IFT74: variants seen among roughly 807,000 people sequenced by gnomAD.
The protein encoded by IFT74 is intraflagellar transport protein 74 homolog.
Under a neutral mutation model 96.7 loss-of-function variants are expected in IFT74, and 92 were observed. The observed-to-expected ratio is 0.95, with a 90% confidence interval of 0.80 to 1.13. The LOEUF (loss-of-function observed/expected upper bound fraction) is 1.13. IFT74 is among the 50% of genes most tolerant of loss of function. The pLI is 0.00. For synonymous variants in IFT74, 223 were observed against 213.2 expected, an observed-to-expected ratio of 1.05 and a Z score of -0.40; for missense variants, 811 against 698.2, an observed-to-expected ratio of 1.16 and a Z score of -1.82.
chr9:27,040,544 CAAAAAAAAAAAA>C (rs751893169), intron 13 of IFT74, among the ~76,000 whole-genome samples: 2 of 62,074 alleles, frequency 3.2e-5, no homozygotes, highest in East Asian at 4.2e-4. Flanking sequence ...GACACTGTCT[CAAAAAAAAAAAA>C]AAAAAAAAAA....
chr9:27,033,573 C>CAAAAAAAAAAAAAAAAAAAAAAAAAAAA (rs558712485), intron 13 of IFT74, among the ~76,000 whole-genome samples: 2 of 66,288 alleles, frequency 3.0e-5, no homozygotes, highest in Non-Finnish European at 6.2e-5. Context: ...GACCCTGTCT[C>CAAAAAAAAAAAAAAAAAAAAAAAAAAAA]AAAAAAAAAA....
chr9:27,004,071 A>G (rs1049542086), intron 8 of IFT74, among the ~76,000 whole-genome samples: 2 of 152,180 alleles, frequency 1.3e-5, no homozygotes, highest in African/African-American at 4.8e-5. Flanking sequence ...AAGAAAGCAA[A>G]TAGGCTACAA....
chr9:27,000,916 G>A (rs1405573447), intron 8 of IFT74, among the ~76,000 whole-genome samples: 2 of 152,080 alleles, frequency 1.3e-5, no homozygotes, highest in African/African-American at 2.4e-5. Context: ...TAAGCAAACT[G>A]TATGTTTGTA....
intron 8 of IFT74, chr9:26,996,300 CAG>C (rs1563959400): frequency 6.7e-7 from 1 of 1,498,336 alleles, no homozygotes; most frequent in Non-Finnish European, 9.2e-7. Flanking sequence ...TATATAGAAC[CAG>C]TATATTACCT....
At chr9:26,966,173 A>G (rs1042793407) in intron 2 of IFT74, among the ~76,000 whole-genome samples, 3 of 151,812 alleles carry the variant, frequency 2.0e-5, no homozygotes, top group African/African-American at 7.3e-5. Flanking sequence ...TTTTTGAAAT[A>G]ATGATTTCTT....
intron 9 of IFT74, 86 bp downstream of exon 9, chr9:27,009,244 C>T: frequency 2.4e-6 from 3 of 1,227,304 alleles, no homozygotes; most frequent in Non-Finnish European, 3.5e-6. Context: ...TCAGCATCCC[C>T]TGAGAACTTG....
chr9:27,034,835 C>A (rs1819095581), intron 13 of IFT74, among the ~76,000 whole-genome samples: 1 of 152,170 alleles, frequency 6.6e-6, no homozygotes, highest in Admixed American at 6.5e-5. Flanking sequence ...TGGCCAGAAT[C>A]ATTTTATTTT....
intron 12 of IFT74, among the ~76,000 whole-genome samples, chr9:27,027,735 T>C (rs987541858): frequency 1.3e-5 from 2 of 152,174 alleles, no homozygotes; most frequent in Non-Finnish European, 2.9e-5. Flanking sequence ...TTGTAAAAAT[T>C]TTCCCTTGTT....
intron 2 of IFT74, among the ~76,000 whole-genome samples, chr9:26,977,146 TA>T (rs1827164132): frequency 6.6e-6 from 1 of 152,202 alleles, no homozygotes; most frequent in African/African-American, 2.4e-5. Flanking sequence ...TTTTTGTCTA[TA>T]TTTTTTGTTT....
At chr9:27,001,954 T>A (rs1357033626) in intron 8 of IFT74, among the ~76,000 whole-genome samples, 3 of 150,986 alleles carry the variant, frequency 2.0e-5, no homozygotes, top group South Asian at 2.1e-4. Flanking sequence ...TTTTTTTTTT[T>A]AAATAAAGAA....
chr9:26,999,210 A>T (rs1326843687), intron 8 of IFT74, among the ~76,000 whole-genome samples: 2 of 152,252 alleles, frequency 1.3e-5, no homozygotes, highest in African/African-American at 4.8e-5. Context: ...TTTACTGAAC[A>T]GTAAACTAAG....
At chr9:26,983,898 C>G (rs1410160413) in intron 4 of IFT74, 1 of 162,182 alleles carries the variant, frequency 6.2e-6, no homozygotes, top group Non-Finnish European at 1.3e-5. Flanking sequence ...ATTCTCCTGC[C>G]TCAGCCTCCC....
intron 8 of IFT74, among the ~76,000 whole-genome samples, chr9:26,997,418 C>G (rs1828223001): frequency 7.0e-6 from 1 of 143,336 alleles, no homozygotes; most frequent in Admixed American, 7.4e-5. Flanking sequence ...ACTGTAACAT[C>G]TGCCTCCCAG....
chr9:27,046,890 T>C (rs1381092596), intron 14 of IFT74, among the ~76,000 whole-genome samples: 1 of 152,174 alleles, frequency 6.6e-6, no homozygotes, highest in Non-Finnish European at 1.5e-5. Flanking sequence ...TTTCTAAAAA[T>C]TGGGCCAGGT....
intron 8 of IFT74, among the ~76,000 whole-genome samples, chr9:27,002,592 T>C (rs1227255534): frequency 2.6e-5 from 4 of 152,230 alleles, no homozygotes; most frequent in African/African-American, 9.6e-5. Context: ...TGAAGATGAG[T>C]TGATGTAAAT....
Position 27,012,708 on chromosome 9 carries a change from G to GTTTTTGT in IFT74, c.789+745_789+746insGTTTTTT, listed in dbSNP as rs1563974337. ...GAACAAGAGGAAAGTAAAAATGTCTGTTTTTTTTTTTTTTTTTTTTTTTTT... is the reference window on the plus strand; with the variant it reads ...GAACAAGAGGAAAGTAAAAATGTCTGTTTTTGTTTTTTTTTTTTTTTTTTTTTTTTTT... On this transcript the variant is annotated intron_variant, in intron 10 of 19. Coordinates refer to ENST00000380062, the MANE Select transcript of IFT74 (RefSeq NM_025103.4). Among the ~76,000 whole-genome samples, 16 of 53,872 alleles carry GTTTTTGT rather than the reference G, an allele frequency of 3.0e-4. 1 individual carries two copies. The highest frequency in any genetic ancestry group is 9.0e-4 in the African/African-American group (11 of 12,198). 35.3% of individuals were successfully genotyped at this position (53,872 alleles called of 152,430 possible).
At chr9:26,966,890 C>T (rs1004038506) in intron 2 of IFT74, among the ~76,000 whole-genome samples, 1 of 151,886 alleles carries the variant, frequency 6.6e-6, no homozygotes, top group African/African-American at 2.4e-5. Flanking sequence ...CTATGGATAT[C>T]CAGTTCTCCC....
intron 2 of IFT74, chr9:26,976,678 G>A: frequency 2.3e-6 from 1 of 443,198 alleles, no homozygotes; most frequent in Non-Finnish European, 4.5e-6. Context: ...AAGAAAAAAG[G>A]AGAAGAAAGG....
At chr9:26,997,226 A>T (rs1454425927) in intron 8 of IFT74, among the ~76,000 whole-genome samples, 5 of 147,784 alleles carry the variant, frequency 3.4e-5, no homozygotes, top group African/African-American at 1.3e-4. Flanking sequence ...AAAAAAAAAA[A>T]TTTCTTAATT....
Sources: allele counts gnomAD v4.1 joint callset (sites outside exome capture counted in the v4.1 genomes callset), GRCh38; gene constraint gnomAD v4.1.1; transcripts MANE v1.5; gene names NCBI Gene and HGNC (gene_info 2026-07-23, HGNC 2026-07-21).